The following ADAMTS6 variants were observed in gnomAD, a reference collection of about 807,000 sequenced individuals.
ADAMTS6 encodes ADAM metallopeptidase with thrombospondin type 1 motif 6, also known as A disintegrin and metalloproteinase with thrombospondin motifs 6.
In ADAMTS6, 23 loss-of-function variants were observed where a neutral mutation model predicts 144.3. The observed-to-expected ratio is 0.16, with a 90% CI of 0.11 to 0.23. The LOEUF (loss-of-function observed/expected upper bound fraction) is 0.23, where lower values mean the gene tolerates loss of function less well. Ranked by LOEUF, ADAMTS6 falls within the 10% of genes least tolerant of loss-of-function variation. The pLI is 1.00. For missense variants in ADAMTS6, 999 were observed against 1,379.6 expected, an observed-to-expected ratio of 0.72 and a Z score of 4.37; for synonymous variants, 444 against 457.5, an observed-to-expected ratio of 0.97 and a Z score of 0.38.
chr5:65,462,720 T>C (rs1347249777), intron 3 of ADAMTS6, among the ~76,000 whole-genome samples: 1 of 152,216 alleles, frequency 6.6e-6, no homozygotes, highest in Non-Finnish European at 1.5e-5. Flanking sequence ...TGCTATGTGG[T>C]AGGGATACAA....
chr5:65,280,313 C>A (rs1675666013), intron 11 of ADAMTS6, among the ~76,000 whole-genome samples: 1 of 152,104 alleles, frequency 6.6e-6, no homozygotes, highest in Admixed American at 6.6e-5. Flanking sequence ...AGAATTGGAT[C>A]CAGACTTTAG....
At chr5:65,310,716 G>C (rs1744410867) in intron 9 of ADAMTS6, among the ~76,000 whole-genome samples, 1 of 152,096 alleles carries the variant, frequency 6.6e-6, no homozygotes, top group African/African-American at 2.4e-5. Flanking sequence ...GTTTTCTATA[G>C]AACTAGTGGT....
intron 24 of ADAMTS6, among the ~76,000 whole-genome samples, chr5:65,164,364 T>C (rs1753008423): frequency 6.6e-6 from 1 of 152,160 alleles, no homozygotes; most frequent in South Asian, 2.1e-4. Context: ...ATCCCGCACC[T>C]GGCTCGGAGG....
At position 65,179,114 on chromosome 5, in the gene ADAMTS6, C is replaced by T. The variant is rs113489112; in HGVS notation, c.2911-6106G>A. ...GGCCGAAGCATGAGAAAACTCATCA[C>T]GGGACTCATTTTCCTTAAAATTTGG... On this transcript the variant is annotated intron_variant, in intron 22 of 24. Coordinates refer to ENST00000381055, the MANE Select transcript of ADAMTS6 (RefSeq NM_197941.4). 1.3e-3 allele frequency among the ~76,000 whole-genome samples: 191 copies of T among 152,312 alleles called. No homozygotes were observed. In the Middle Eastern group the frequency reaches 0.017, roughly 14 times the overall value.
intron 11 of ADAMTS6, among the ~76,000 whole-genome samples, chr5:65,276,875 C>T (rs949445654): frequency 6.6e-6 from 1 of 152,266 alleles, no homozygotes; most frequent in Non-Finnish European, 1.5e-5. Context: ...TTACTATCCA[C>T]CAGCTTAGCT....
chr5:65,309,164 T>C (rs532397425), intron 9 of ADAMTS6, among the ~76,000 whole-genome samples: 7 of 152,046 alleles, frequency 4.6e-5, no homozygotes, highest in Non-Finnish European at 8.8e-5. Flanking sequence ...ACATTGCATT[T>C]ATTGTGCACT....
chr5:65,213,668 T>A (rs1475866291), intron 20 of ADAMTS6, among the ~76,000 whole-genome samples: 2 of 151,248 alleles, frequency 1.3e-5, no homozygotes, highest in African/African-American at 4.9e-5. Context: ...TAAAATAAAA[T>A]AAAAATACTG....
intron 7 of ADAMTS6, among the ~76,000 whole-genome samples, chr5:65,435,065 C>A (rs1395525197): frequency 6.6e-6 from 1 of 152,126 alleles, no homozygotes. Flanking sequence ...ATAGATAAAT[C>A]TTGAAAGTAA....
intron 12 of ADAMTS6, among the ~76,000 whole-genome samples, chr5:65,270,270 A>T (rs1413673255): frequency 6.6e-6 from 1 of 152,164 alleles, no homozygotes; most frequent in Non-Finnish European, 1.5e-5. Context: ...CAAAATTCTG[A>T]GGTCTGGTTT....
chr5:65,256,985 CTTTTT>C (rs545846781), intron 14 of ADAMTS6, among the ~76,000 whole-genome samples: 14 of 88,668 alleles, frequency 1.6e-4, no homozygotes, highest in East Asian at 3.3e-4. Flanking sequence ...CTCTCTCTCT[CTTTTT>C]TTTTTTTTTT....
intron 7 of ADAMTS6, among the ~76,000 whole-genome samples, chr5:65,369,179 C>T (rs943732320): frequency 1.3e-5 from 2 of 152,162 alleles, no homozygotes; most frequent in African/African-American, 2.4e-5. Flanking sequence ...ATGATCACAC[C>T]ACTGCACTCC....
intron 9 of ADAMTS6, among the ~76,000 whole-genome samples, chr5:65,326,926 G>GA (rs1183003041): frequency 2.6e-5 from 4 of 151,984 alleles, no homozygotes; most frequent in Admixed American, 2.6e-4. Flanking sequence ...TTGACATATT[G>GA]AAAAAAATAG....
At chr5:65,175,897 A>G (rs1375674532) in intron 22 of ADAMTS6, among the ~76,000 whole-genome samples, 1 of 152,154 alleles carries the variant, frequency 6.6e-6, no homozygotes, top group East Asian at 1.9e-4. Flanking sequence ...CATCTATACC[A>G]ATTCTAAGTT....
chr5:65,347,555 A>C (rs759569358), intron 7 of ADAMTS6, among the ~76,000 whole-genome samples: 6 of 152,072 alleles, frequency 3.9e-5, no homozygotes, highest in Non-Finnish European at 8.8e-5. Flanking sequence ...CTACTAGAAA[A>C]AAAACATAGG....
At chr5:65,300,152 CAT>C (rs1008608479) in intron 9 of ADAMTS6, 21 bp from the exon 10 acceptor site, 8 of 1,602,304 alleles carry the variant, frequency 5.0e-6, no homozygotes, top group Non-Finnish European at 6.8e-6. Flanking sequence ...GAGGAAGAAA[CAT>C]AGAATAAATA....
chr5:65,238,887 T>C (rs536317231), intron 15 of ADAMTS6, among the ~76,000 whole-genome samples: 1 of 152,284 alleles, frequency 6.6e-6, no homozygotes, highest in East Asian at 1.9e-4. Context: ...AGATTCAACA[T>C]AACACCATTC....
At chr5:65,474,783 G>C (rs1333237704) in intron 1 of ADAMTS6, among the ~76,000 whole-genome samples, 8 of 86,762 alleles carry the variant, frequency 9.2e-5, no homozygotes, top group East Asian at 3.5e-4. Flanking sequence ...GCCACAAACA[G>C]CCAAACTGTG....
chr5:65,305,060 G>C (rs1743798377), intron 9 of ADAMTS6, among the ~76,000 whole-genome samples: 1 of 151,740 alleles, frequency 6.6e-6, no homozygotes. Context: ...AATATATTTT[G>C]TTCTTAGGAA....
At chr5:65,374,205 G>C (rs1751276854) in intron 7 of ADAMTS6, among the ~76,000 whole-genome samples, 1 of 152,154 alleles carries the variant, frequency 6.6e-6, no homozygotes, top group Non-Finnish European at 1.5e-5. Context: ...GCACAAGACA[G>C]GGATGGCCTC....
Sources: allele counts gnomAD v4.1 joint callset (sites outside exome capture counted in the v4.1 genomes callset), GRCh38; gene constraint gnomAD v4.1.1; transcripts MANE v1.5; gene names NCBI Gene and HGNC (gene_info 2026-07-23, HGNC 2026-07-21).